The following PTPRA variants were observed in gnomAD, a reference collection of about 807,000 sequenced individuals.
PTPRA encodes receptor-type tyrosine-protein phosphatase alpha.
PTPRA carries 25 observed loss-of-function variants against 104.8 expected under a neutral mutation model. The observed-to-expected ratio is 0.24, with a 90% CI of 0.17 to 0.33. The LOEUF (loss-of-function observed/expected upper bound fraction) is 0.33, where lower values mean the gene tolerates loss of function less well. PTPRA is among the 10% of genes least tolerant of loss of function. The pLI is 1.00. For missense variants in PTPRA, 765 were observed against 1,015.3 expected (o/e 0.75, Z 3.35); for synonymous variants, 323 against 368.9 (o/e 0.88, Z 1.43).
intron 2 of PTPRA, among the ~76,000 whole-genome samples, chr20:2,932,792 A>G (rs367864387): frequency 1.3e-5 from 2 of 152,346 alleles, no homozygotes; most frequent in African/African-American, 4.8e-5. Flanking sequence ...ACCAGATGGT[A>G]AGTATAATCC....
At chr20:2,948,551 A>G (rs1427602683) in intron 3 of PTPRA, among the ~76,000 whole-genome samples, 1 of 152,164 alleles carries the variant, frequency 6.6e-6, no homozygotes, top group Non-Finnish European at 1.5e-5. Context: ...TTTTCAGAAA[A>G]GAATCCTGGA....
At chr20:3,023,687 C>G (rs1447614619) in intron 16 of PTPRA, among the ~76,000 whole-genome samples, 3 of 152,200 alleles carry the variant, frequency 2.0e-5, no homozygotes, top group Non-Finnish European at 4.4e-5. Flanking sequence ...CTGCCACATC[C>G]CCTTAGCCGA....
At chr20:2,945,130 T>C (rs909856328) in intron 2 of PTPRA, among the ~76,000 whole-genome samples, 1 of 152,212 alleles carries the variant, frequency 6.6e-6, no homozygotes, top group African/African-American at 2.4e-5. Flanking sequence ...TCTCTTCAGG[T>C]ATATTTTACC....
chr20:2,962,409 G>C (rs150874359), intron 3 of PTPRA, among the ~76,000 whole-genome samples: 2 of 152,192 alleles, frequency 1.3e-5, no homozygotes, highest in East Asian at 1.9e-4. Flanking sequence ...TTAAACCTAT[G>C]TGGAATTTAT....
intron 1 of PTPRA, among the ~76,000 whole-genome samples, chr20:2,880,966 C>T (rs190957031): frequency 1.3e-4 from 19 of 151,904 alleles, no homozygotes; most frequent in South Asian, 6.3e-4. Context: ...CATGATTGCA[C>T]CACTGTACTC....
At chr20:2,900,743 G>A (rs2059201050) in intron 1 of PTPRA, among the ~76,000 whole-genome samples, 2 of 151,318 alleles carry the variant, frequency 1.3e-5, no homozygotes, top group Admixed American at 1.3e-4. Flanking sequence ...TGTAATCCCA[G>A]CTACTTTGGA....
chr20:3,013,250 G>A (rs1248846287), intron 11 of PTPRA, among the ~76,000 whole-genome samples: 2 of 152,132 alleles, frequency 1.3e-5, no homozygotes, highest in African/African-American at 4.8e-5. Flanking sequence ...GAAAGGCCTA[G>A]GAAAGTGGGG....
At chr20:2,894,960 C>T (rs1600074189) in intron 1 of PTPRA, among the ~76,000 whole-genome samples, 1 of 147,158 alleles carries the variant, frequency 6.8e-6, no homozygotes, top group Non-Finnish European at 1.5e-5. Context: ...GCACTCCAGC[C>T]TGGGCGACAG....
rs2064979451 is a variant in PTPRA, at chr20:3,023,398, C to G, written c.1464+574C>G. ...TGGAGTTAAGATAAGAGGAAGGCAT[C>G]TGTCTCCTGCTCGTCCCTGGGAATG... On this transcript the variant is annotated intron_variant, in intron 16 of 23. Transcript: ENST00000399903. 2.0e-5 allele frequency among the ~76,000 whole-genome samples: 3 copies of G among 152,182 alleles called. No individual in the cohort carries two copies. The South Asian group carries it at 6.2e-4, about 32-fold the overall frequency.
At chr20:2,922,087 G>C (rs1241281799) in intron 1 of PTPRA, among the ~76,000 whole-genome samples, 7 of 152,130 alleles carry the variant, frequency 4.6e-5, no homozygotes, top group Admixed American at 1.3e-4. Context: ...ACTGCCATAT[G>C]TTCCCTAGGG....
intron 1 of PTPRA, among the ~76,000 whole-genome samples, chr20:2,892,197 G>A (rs941079234): frequency 3.3e-5 from 5 of 150,526 alleles, no homozygotes; most frequent in Admixed American, 6.7e-5. Context: ...GGCTGAGGCA[G>A]GACAATTGCT....
At chr20:3,012,705 A>G (rs2064230975) in intron 11 of PTPRA, among the ~76,000 whole-genome samples, 2 of 152,238 alleles carry the variant, frequency 1.3e-5, no homozygotes, top group Non-Finnish European at 2.9e-5. Flanking sequence ...CTTAGTGTGT[A>G]GGGCAGCATC....
chr20:3,027,751 TCTC>T lies in PTPRA; in HGVS notation c.1832_1834del (p.Leu611del). On this transcript the variant is annotated inframe_deletion, in exon 20 of 24. Transcript: ENST00000399903. ...CCTATATCGCCAGCCAGGGCCCTCT[TCTC>T]CACACAATTGAGGACTTCTGGCGAA... is the stretch of plus-strand genomic sequence containing the variant. 1 of 1,614,102 alleles carries T rather than the reference TCTC, an allele frequency of 6.2e-7. No homozygotes were observed. The highest frequency in any genetic ancestry group is 8.5e-7 in the Non-Finnish European group (1 of 1,180,018).
chr20:3,026,145 C>T (rs2148459273), intron 17 of PTPRA, among the ~76,000 whole-genome samples: 1 of 151,928 alleles, frequency 6.6e-6, no homozygotes, highest in East Asian at 2.0e-4. Context: ...ACCATGTTGG[C>T]CATGCGGGTC....
chr20:2,866,254 G>C, the PTPRA span: 1 of 1,614,098 alleles, frequency 6.2e-7, no homozygotes, highest in Non-Finnish European at 8.5e-7. Context: ...CAAATACGAA[G>C]CCAAGAAGTA....
At chr20:2,939,848 T>G (rs1202821687) in intron 2 of PTPRA, among the ~76,000 whole-genome samples, 1 of 152,222 alleles carries the variant, frequency 6.6e-6, no homozygotes, top group Non-Finnish European at 1.5e-5. Context: ...GGCTGACGCC[T>G]ACAATCCCAG....
chr20:2,934,541 A>G (rs923564400), intron 2 of PTPRA, among the ~76,000 whole-genome samples: 13 of 151,952 alleles, frequency 8.6e-5, no homozygotes, highest in Non-Finnish European at 1.6e-4. Flanking sequence ...TAATGCCTAG[A>G]CTACACTCAC....
chr20:3,027,387 GAA>G (rs61555794), intron 19 of PTPRA, among the ~76,000 whole-genome samples, 190 bp downstream of exon 19: 3,841 of 152,260 alleles, frequency 0.025, 141 homozygotes, highest in African/African-American at 0.075. Context: ...GAAGGTGGGG[GAA>G]AACAGATGGC....
chr20:3,004,391 T>G (rs974630532), intron 9 of PTPRA, among the ~76,000 whole-genome samples: 4 of 152,228 alleles, frequency 2.6e-5, no homozygotes, highest in African/African-American at 9.7e-5. Flanking sequence ...ACACAGACTA[T>G]CTCATGTCAG....
Sources: allele counts gnomAD v4.1 joint callset (sites outside exome capture counted in the v4.1 genomes callset), GRCh38; gene constraint gnomAD v4.1.1; transcripts MANE v1.5; gene names NCBI Gene and HGNC (gene_info 2026-07-23, HGNC 2026-07-21).